NPIPB2: variants seen among roughly 807,000 people sequenced by gnomAD.
The protein encoded by NPIPB2 is nuclear pore complex interacting protein family member B2, also known as nuclear pore complex-interacting protein family member B2.
Under a neutral mutation model 30.8 loss-of-function variants are expected in NPIPB2, and 27 were observed. That is an observed-to-expected ratio of 0.88 (90% CI 0.65 to 1.21). NPIPB2 has a LOEUF of 1.21. NPIPB2 is among the 50% of genes most tolerant of loss of function. The probability of loss-of-function intolerance (pLI) is 0.00; values close to 1 mark genes in which losing one functional copy is unlikely to be tolerated. For missense variants in NPIPB2, 440 were observed against 446.2 expected (o/e 0.99, Z 0.13); for synonymous variants, 147 against 162.0 (o/e 0.91, Z 0.70).
chr16:11,976,172 G>T (rs1018376642), intron 1 of NPIPB2, among the ~76,000 whole-genome samples: 1 of 151,872 alleles, frequency 6.6e-6, no homozygotes, highest in African/African-American at 2.4e-5. Flanking sequence ...CAGGTGATCC[G>T]CTCGCCTCGG....
intron 1 of NPIPB2, among the ~76,000 whole-genome samples, chr16:11,972,909 C>A (rs2055244629): frequency 6.6e-6 from 1 of 151,896 alleles, no homozygotes; most frequent in African/African-American, 2.4e-5. Flanking sequence ...GCCTGTAATC[C>A]CAGCACTTTG....
intron 1 of NPIPB2, among the ~76,000 whole-genome samples, chr16:11,957,626 G>A (rs531798314): frequency 3.5e-4 from 54 of 152,240 alleles, no homozygotes; most frequent in Non-Finnish European, 5.9e-4. Context: ...AAAGGACACT[G>A]CCCTTCATAA....
chr16:11,965,566 A>G, intron 1 of NPIPB2: 1 of 1,158,110 alleles, frequency 8.6e-7, no homozygotes. Context: ...TCTTGAATCA[A>G]AAAGAGAAAG....
chr16:11,973,097 C>T (rs1341228492), intron 1 of NPIPB2, among the ~76,000 whole-genome samples: 2 of 135,630 alleles, frequency 1.5e-5, no homozygotes, highest in Non-Finnish European at 3.0e-5. Context: ...GAGGCAGAGG[C>T]AGAAGTTGCG....
upstream of NPIPB2, among the ~76,000 whole-genome samples, chr16:11,942,655 T>C (rs1373988020): frequency 6.6e-6 from 1 of 152,028 alleles, no homozygotes; most frequent in African/African-American, 2.4e-5. Flanking sequence ...AGAAACAAAG[T>C]TCATCAGCTT....
At chr16:11,933,589 C>A in exon 4 of NPIPB2, 1 of 1,577,282 alleles carries the variant, frequency 6.3e-7, no homozygotes, top group South Asian at 1.1e-5. Flanking sequence ...CTTCATCTTA[C>A]GGATTTTAGC....
intron 1 of NPIPB2, among the ~76,000 whole-genome samples, chr16:11,958,286 C>T (rs760717689): frequency 1.3e-5 from 2 of 150,588 alleles, no homozygotes; most frequent in Non-Finnish European, 3.0e-5. Flanking sequence ...TTAAGCTGGG[C>T]GTGGTGGGTG....
At chr16:11,972,849 C>T (rs1458817680) in intron 1 of NPIPB2, among the ~76,000 whole-genome samples, 6 of 133,944 alleles carry the variant, frequency 4.5e-5, no homozygotes, top group East Asian at 2.2e-4. Flanking sequence ...GGCAACAGAG[C>T]GAGATTCGGA....
chr16:11,949,223 A>T (rs2055041979), intron 1 of NPIPB2, among the ~76,000 whole-genome samples: 1 of 152,206 alleles, frequency 6.6e-6, no homozygotes, highest in South Asian at 2.1e-4. Context: ...AGTAGTAATG[A>T]CAGCAATACT....
At chr16:11,962,992 G>A (rs974724133) in intron 1 of NPIPB2, among the ~76,000 whole-genome samples, 2 of 152,076 alleles carry the variant, frequency 1.3e-5, no homozygotes, top group African/African-American at 2.4e-5. Context: ...ACTTGAACCC[G>A]GGAGGCAGAG....
At chr16:11,940,953 A>G (rs974806009) in intron 1 of NPIPB2, among the ~76,000 whole-genome samples, 1 of 148,258 alleles carries the variant, frequency 6.7e-6, no homozygotes, top group Non-Finnish European at 1.5e-5. Context: ...GATAACAGGT[A>G]CGCACCACCA....
chr16:11,942,779 C>A (rs1453304617), upstream of NPIPB2, among the ~76,000 whole-genome samples: 3 of 151,550 alleles, frequency 2.0e-5, no homozygotes, highest in African/African-American at 7.3e-5. Flanking sequence ...CAGGACAGAC[C>A]CCCACTGTCC....
chr16:11,944,369 T>C (rs914819844), upstream of NPIPB2, among the ~76,000 whole-genome samples: 9 of 151,772 alleles, frequency 5.9e-5, no homozygotes, highest in Admixed American at 3.9e-4. Context: ...GGTTTCACGA[T>C]GTTGCCAGGC....
chr16:11,946,121 T>A (rs556456196), upstream of NPIPB2, among the ~76,000 whole-genome samples: 1 of 151,394 alleles, frequency 6.6e-6, no homozygotes. Context: ...CATGGTGGCT[T>A]ATACCTGTAA....
At chr16:11,941,471 G>A (rs2054939724) in intron 1 of NPIPB2, among the ~76,000 whole-genome samples, 1 of 149,384 alleles carries the variant, frequency 6.7e-6, no homozygotes, top group African/African-American at 2.5e-5. Context: ...GAAGAAAGGG[G>A]TCTGGGAAAG....
At chr16:11,951,643 CA>C (rs1179977973) in intron 1 of NPIPB2, among the ~76,000 whole-genome samples, 2 of 143,472 alleles carry the variant, frequency 1.4e-5, no homozygotes, top group East Asian at 2.3e-4. Context: ...CACACACACA[CA>C]CACACACACA....
chr16:11,963,372 C>T (rs1220392649), intron 1 of NPIPB2, among the ~76,000 whole-genome samples: 1 of 145,192 alleles, frequency 6.9e-6, no homozygotes, highest in Non-Finnish European at 1.5e-5. Flanking sequence ...AACAGTGAAA[C>T]TCCAGCTCAA....
At chr16:11,972,730 G>C (rs928955275) in intron 1 of NPIPB2, among the ~76,000 whole-genome samples, 1 of 151,572 alleles carries the variant, frequency 6.6e-6, no homozygotes, top group Non-Finnish European at 1.5e-5. Context: ...TGGACGTGGT[G>C]GTGGGCGCCT....
intron 1 of NPIPB2, among the ~76,000 whole-genome samples, chr16:11,947,118 A>T (rs1366201888): frequency 1.4e-5 from 2 of 146,024 alleles, no homozygotes; most frequent in East Asian, 3.9e-4. Flanking sequence ...ATATATTTTA[A>T]TTAAACAATT....
Sources: gnomAD v4.1 joint callset for allele counts (sites outside exome capture counted in the v4.1 genomes callset) on GRCh38, gnomAD v4.1.1 for gene constraint, MANE v1.5 for transcripts, NCBI Gene and HGNC (gene_info 2026-07-23, HGNC 2026-07-21) for gene names.